The following SH3GL2 variants were observed in gnomAD, a reference collection of about 807,000 sequenced individuals.
The protein encoded by SH3GL2 is SH3 domain containing GRB2 like 2, endophilin A1.
Under a neutral mutation model 46.0 loss-of-function variants are expected in SH3GL2, and 24 were observed. That is an observed-to-expected ratio of 0.52 (90% CI 0.38 to 0.73). The LOEUF is 0.73. Among genes scored for constraint, SH3GL2 ranks in the 30% least tolerant of loss-of-function variants. The pLI is 0.00. For synonymous variants in SH3GL2, 196 were observed against 147.1 expected, an observed-to-expected ratio of 1.33 and a Z score of -2.40; for missense variants, 413 against 424.2, an observed-to-expected ratio of 0.97 and a Z score of 0.23.
chr9:17,636,296 G>T (rs1243513383), intron 1 of SH3GL2, among the ~76,000 whole-genome samples: 1 of 152,156 alleles, frequency 6.6e-6, no homozygotes, highest in Non-Finnish European at 1.5e-5. Context: ...GTTAGGTAAA[G>T]GTAATGGATG....
intron 1 of SH3GL2, among the ~76,000 whole-genome samples, chr9:17,651,122 A>G (rs537109545): frequency 6.6e-6 from 1 of 152,226 alleles, no homozygotes; most frequent in Non-Finnish European, 1.5e-5. Context: ...AATTCCTAAG[A>G]CATAATGAAT....
intron 1 of SH3GL2, among the ~76,000 whole-genome samples, chr9:17,591,683 C>T (rs1014294138): frequency 2.6e-5 from 4 of 152,104 alleles, no homozygotes; most frequent in Admixed American, 2.0e-4. Context: ...AGTTCCTTTT[C>T]GGGTCTCAAA....
intron 1 of SH3GL2, among the ~76,000 whole-genome samples, chr9:17,638,087 G>A (rs1162053283): frequency 6.6e-6 from 1 of 151,872 alleles, no homozygotes; most frequent in Non-Finnish European, 1.5e-5. Context: ...AACCCGGGAG[G>A]CGGAGCTTGC....
chr9:17,591,407 G>A (rs1373061601), intron 1 of SH3GL2: 3 of 152,196 alleles, frequency 2.0e-5, no homozygotes, highest in African/African-American at 2.4e-5. Context: ...CAGGAATGGG[G>A]GTTGCAACCT....
intron 1 of SH3GL2, among the ~76,000 whole-genome samples, chr9:17,737,452 T>G (rs1200827460): frequency 6.6e-6 from 1 of 152,138 alleles, no homozygotes; most frequent in Non-Finnish European, 1.5e-5. Flanking sequence ...TAGTGTCCTT[T>G]GGATCATGCT....
At chr9:17,675,858 T>C (rs10963198) in intron 1 of SH3GL2, among the ~76,000 whole-genome samples, 24,234 of 152,148 alleles carry the variant, frequency 0.16, 2,650 homozygotes, top group Middle Eastern at 0.24. Context: ...GGCAGGAGAA[T>C]CACGTGAACC....
rs544265779 is a variant in SH3GL2 at position 17,736,271 on chromosome 9, T to C, written c.46-10795T>C. 7.9e-4 allele frequency among the ~76,000 whole-genome samples: 121 copies of C among 152,246 alleles called. 1 individual carries two copies. Among genetic ancestry groups the C allele is most frequent in the African/African-American group, 2.9e-3 (119 of 41,550 alleles). On this transcript the variant is annotated intron_variant, in intron 1 of 8. Transcript: ENST00000380607. The stretch of plus-strand genomic sequence containing the variant: ...AATTTTTTGATTTAGATCATAGAAT[T>C]TCTAGAGATACTAATTTTCAAATTT...
chr9:17,752,487 C>G (rs1379589178), intron 2 of SH3GL2, among the ~76,000 whole-genome samples: 1 of 151,934 alleles, frequency 6.6e-6, no homozygotes, highest in African/African-American at 2.4e-5. Flanking sequence ...ACTTATTTAT[C>G]TAATTTATTT....
chr9:17,738,989 G>A (rs915529108), intron 1 of SH3GL2, among the ~76,000 whole-genome samples: 3 of 152,152 alleles, frequency 2.0e-5, no homozygotes, highest in African/African-American at 7.2e-5. Context: ...GACTTGCGAA[G>A]TTGATGCATG....
At chr9:17,666,261 T>C (rs1820338499) in intron 1 of SH3GL2, among the ~76,000 whole-genome samples, 1 of 152,072 alleles carries the variant, frequency 6.6e-6, no homozygotes, top group African/African-American at 2.4e-5. Context: ...AAAGTTCATA[T>C]GTTTCTGTTG....
chr9:17,631,277 T>A (rs1819415879), intron 1 of SH3GL2, among the ~76,000 whole-genome samples: 1 of 152,204 alleles, frequency 6.6e-6, no homozygotes, highest in Non-Finnish European at 1.5e-5. Context: ...GGAGGGATGT[T>A]GAGAGGAGAG....
chr9:17,774,735 G>T (rs183618431), intron 3 of SH3GL2, among the ~76,000 whole-genome samples: 1 of 152,258 alleles, frequency 6.6e-6, no homozygotes, highest in African/African-American at 2.4e-5. Flanking sequence ...GATCGTAAGA[G>T]ATATTGGTCT....
chr9:17,586,627 T>C (rs925314812), intron 1 of SH3GL2, among the ~76,000 whole-genome samples: 24 of 152,006 alleles, frequency 1.6e-4, no homozygotes, highest in African/African-American at 4.8e-4. Context: ...AGAAGGGGGA[T>C]CAAAAATGTC....
intron 1 of SH3GL2, among the ~76,000 whole-genome samples, chr9:17,633,867 T>A (rs1819485996): frequency 6.6e-6 from 1 of 152,206 alleles, no homozygotes; most frequent in African/African-American, 2.4e-5. Flanking sequence ...AGTATCCAAG[T>A]CCTTAAGGAA....
Position 17,608,059 on chromosome 9 carries a change from GT to G in SH3GL2, c.45+28776del, listed in dbSNP as rs1053010067. ...ATGGGATCTTTGTGTTTGGGGGGCT[GT>G]TTTGCACTTGTATATATAAACAAGT... On this transcript the variant is annotated intron_variant, in intron 1 of 8. Coordinates refer to ENST00000380607, the MANE Select transcript of SH3GL2 (RefSeq NM_003026.5). Among the ~76,000 whole-genome samples, 89 of 150,610 alleles carry G rather than the reference GT, an allele frequency of 5.9e-4. 1 individual carries two copies. The highest frequency in any genetic ancestry group is 2.1e-3 in the African/African-American group (86 of 41,080).
chr9:17,612,355 G>A (rs1355332260), intron 1 of SH3GL2, among the ~76,000 whole-genome samples: 1 of 152,100 alleles, frequency 6.6e-6, no homozygotes, highest in African/African-American at 2.4e-5. Context: ...TTTTTGTGTG[G>A]GACTGACACA....
At chr9:17,638,960 A>G (rs1206310422) in intron 1 of SH3GL2, among the ~76,000 whole-genome samples, 2 of 152,214 alleles carry the variant, frequency 1.3e-5, no homozygotes, top group African/African-American at 4.8e-5. Flanking sequence ...AATGGAGGCT[A>G]ATCTATCAAT....
Position 17,694,789 on chromosome 9 carries a change from A to T in SH3GL2, c.46-52277A>T, listed in dbSNP as rs558339031. On this transcript the variant is annotated intron_variant, in intron 1 of 8. Transcript: ENST00000380607. ...AGGTATTGCTCTGGAGAATTTAAAT[A>T]ATTGAGTTAAATGTCAAACTTCACA... 1.1e-4 allele frequency among the ~76,000 whole-genome samples: 17 copies of T among 152,300 alleles called. No homozygotes were observed. The East Asian group carries it at 2.5e-3, about 23-fold the overall frequency.
At chr9:17,783,762 C>T (rs373124275) in intron 3 of SH3GL2, among the ~76,000 whole-genome samples, 18 of 152,042 alleles carry the variant, frequency 1.2e-4, no homozygotes, top group Non-Finnish European at 1.5e-5. Flanking sequence ...AATACATTTC[C>T]TTCTGGGAAT....
Sources: gnomAD v4.1 joint callset for allele counts (sites outside exome capture counted in the v4.1 genomes callset) on GRCh38, gnomAD v4.1.1 for gene constraint, MANE v1.5 for transcripts, NCBI Gene and HGNC (gene_info 2026-07-23, HGNC 2026-07-21) for gene names.